Variants in BRMS1L observed in about 807,000 individuals in gnomAD.
BRMS1L encodes breast cancer metastasis-suppressor 1-like protein.
In BRMS1L, 23 loss-of-function variants were observed where a neutral mutation model predicts 50.3. The ratio of observed to expected loss-of-function variants is 0.46; its 90% CI spans 0.33 to 0.65. The LOEUF (loss-of-function observed/expected upper bound fraction) is 0.65. BRMS1L is among the 30% of genes least tolerant of loss of function. BRMS1L has a pLI of 0.02. For missense variants in BRMS1L, 286 were observed against 386.1 expected, an observed-to-expected ratio of 0.74 and a Z score of 2.17; for synonymous variants, 114 against 126.9, an observed-to-expected ratio of 0.90 and a Z score of 0.69.
At chr14:35,865,595 G>A (rs1478639781) in intron 7 of BRMS1L, 127 bp from the exon 8 acceptor site, 2 of 722,956 alleles carry the variant, frequency 2.8e-6, no homozygotes, top group Non-Finnish European at 2.2e-6. Flanking sequence ...AGCAGCTAAT[G>A]GTTATACTTT....
intron 3 of BRMS1L, among the ~76,000 whole-genome samples, chr14:35,834,488 G>C (rs1042594517): frequency 2.0e-5 from 3 of 152,126 alleles, no homozygotes; most frequent in Non-Finnish European, 4.4e-5. Flanking sequence ...TGACACCAGA[G>C]TTTATTATCT....
At chr14:35,857,746 T>C (rs2078299681) in intron 4 of BRMS1L, among the ~76,000 whole-genome samples, 1 of 152,120 alleles carries the variant, frequency 6.6e-6, no homozygotes, top group Admixed American at 6.5e-5. Context: ...ATTATAAATA[T>C]TGTTTACTGA....
intron 4 of BRMS1L, among the ~76,000 whole-genome samples, chr14:35,851,818 A>G (rs1436523552): frequency 6.6e-6 from 1 of 152,182 alleles, no homozygotes; most frequent in African/African-American, 2.4e-5. Flanking sequence ...TCTGAAGAAA[A>G]CGAAAGCAGT....
chr14:35,831,613 C>A (rs2077919979), intron 2 of BRMS1L, 113 bp downstream of exon 2: 2 of 744,376 alleles, frequency 2.7e-6, no homozygotes, highest in Non-Finnish European at 4.5e-6. Context: ...ATGCGACAGA[C>A]CAATTTGAAA....
At chr14:35,827,667 GATAA>G (rs1228704543) in intron 1 of BRMS1L, among the ~76,000 whole-genome samples, 1 of 152,178 alleles carries the variant, frequency 6.6e-6, no homozygotes, top group Non-Finnish European at 1.5e-5. Flanking sequence ...CAATATGAGG[GATAA>G]ATAGTTATTA....
chr14:35,857,360 G>A (rs930599522), intron 4 of BRMS1L, among the ~76,000 whole-genome samples: 2 of 151,164 alleles, frequency 1.3e-5, no homozygotes, highest in South Asian at 4.2e-4. Flanking sequence ...TGAAGGCATA[G>A]CCTTATAATT....
rs185345852 is a variant in BRMS1L at position 35,829,810 on chromosome 14, A to G, written c.143-1600A>G. 3,123 of 1,252,562 alleles carry G rather than the reference A, an allele frequency of 2.5e-3. 7 individuals carry two copies. The highest frequency in any genetic ancestry group is 3.0e-3 in the Non-Finnish European group (2,895 of 967,598). The allele number at this position is 1,252,562 out of a possible 1,614,324, so 77.6% of individuals were successfully genotyped here. ...TTTCTCATAGTTTGACTTTTATTTG[A>G]TGAAGATCAAGATGCAGATCATTTT... On this transcript the variant is annotated intron_variant, in intron 1 of 9. Coordinates refer to ENST00000216807, the MANE Select transcript of BRMS1L (RefSeq NM_032352.4).
In BRMS1L at chr14:35,867,933, A is replaced by G; in HGVS notation, c.755A>G (p.His252Arg). The stretch of plus-strand genomic sequence containing the variant: ...CCTGTGAAACTGGAAAAACATCTGC[A>G]CAGTGCTAGATCTGAAGAGGGAAGA... ...EPPVKLEKHL[H>R]SARSEEGRLY... The change falls in exon 9 of 10, where the codon CAC (histidine) becomes CGC (arginine). Residue 252 changes from histidine to arginine, a missense_variant. His to Arg is a conservative substitution (Grantham distance 29). Coordinates refer to ENST00000216807, the MANE Select transcript of BRMS1L (RefSeq NM_032352.4). The G allele has an allele frequency of 5.0e-6, 8 of 1,609,316 alleles. No homozygotes were observed. The highest frequency in any genetic ancestry group is 5.1e-6 in the Non-Finnish European group (6 of 1,178,606).
intron 1 of BRMS1L, 61 bp downstream of exon 1, chr14:35,826,719 C>A: frequency 1.3e-6 from 2 of 1,588,018 alleles, no homozygotes; most frequent in South Asian, 1.1e-5. Flanking sequence ...GGCCGCTCTC[C>A]GCACGCCAGG....
At chr14:35,845,484 A>C (rs2078122172) in intron 4 of BRMS1L, among the ~76,000 whole-genome samples, 1 of 152,054 alleles carries the variant, frequency 6.6e-6, no homozygotes, top group African/African-American at 2.4e-5. Flanking sequence ...TATTCTCATG[A>C]TCTATTGCTG....
At chr14:35,850,590 C>T (rs975973580) in intron 4 of BRMS1L, among the ~76,000 whole-genome samples, 2 of 152,124 alleles carry the variant, frequency 1.3e-5, no homozygotes, top group Admixed American at 6.5e-5. Flanking sequence ...CTTTTGTTGA[C>T]GTGCTTTTTG....
rs370289150 is a variant in BRMS1L, at chr14:35,867,012, A to G, written c.728-894A>G. Among the ~76,000 whole-genome samples the G allele has an allele frequency of 7.2e-5, 11 of 152,280 alleles. No individual in the cohort carries two copies. The South Asian group carries it at 1.5e-3, about 20-fold the overall frequency. On this transcript the variant is annotated intron_variant, in intron 8 of 9. Coordinates refer to ENST00000216807, the MANE Select transcript of BRMS1L (RefSeq NM_032352.4). ...CTGGATTGTAAGCTCCACAAAGGCT[A>G]GAACCATATCTCTTTTGGTCACAGT...
intron 4 of BRMS1L, among the ~76,000 whole-genome samples, chr14:35,843,439 C>T (rs1381871563): frequency 1.3e-5 from 2 of 152,204 alleles, no homozygotes; most frequent in Non-Finnish European, 2.9e-5. Flanking sequence ...AGTCAGGCCC[C>T]TCTGCTGCAG....
chr14:35,851,212 T>G (rs2078206705), intron 4 of BRMS1L, among the ~76,000 whole-genome samples: 1 of 152,198 alleles, frequency 6.6e-6, no homozygotes, highest in Admixed American at 6.5e-5. Flanking sequence ...AAGTTATTAT[T>G]TGATCCTTTG....
At chr14:35,832,378 G>C (rs1302457799) in intron 2 of BRMS1L, among the ~76,000 whole-genome samples, 1 of 151,268 alleles carries the variant, frequency 6.6e-6, no homozygotes, top group Non-Finnish European at 1.5e-5. Flanking sequence ...AATTAGCCGG[G>C]CGCCTGTAGT....
chr14:35,841,879 G>T (rs1286149396), intron 4 of BRMS1L, among the ~76,000 whole-genome samples: 2 of 152,114 alleles, frequency 1.3e-5, no homozygotes, highest in Non-Finnish European at 2.9e-5. Flanking sequence ...ATATATTTAG[G>T]ATAGTTAGTT....
chr14:35,860,199 G>T lies in BRMS1L; in HGVS notation c.442-2391G>T, dbSNP rs116184579. On this transcript the variant is annotated intron_variant, in intron 4 of 9. Transcript: ENST00000216807. ...GGCTGTAGTGTAGTGGCATGATCTC[G>T]GCTTACTGCAACCTCCACCTTCTGG... Among the ~76,000 whole-genome samples, 757 of 151,724 alleles carry T rather than the reference G, an allele frequency of 5.0e-3. 9 individuals are homozygous for T. The highest frequency in any genetic ancestry group is 0.017 in the African/African-American group (686 of 41,394).
chr14:35,842,904 C>T (rs1489149454), intron 4 of BRMS1L, among the ~76,000 whole-genome samples: 2 of 152,118 alleles, frequency 1.3e-5, no homozygotes, highest in Non-Finnish European at 2.9e-5. Context: ...CTAATCTTGT[C>T]TTCATATTTT....
chr14:35,839,072 T>G (rs2078029249), intron 4 of BRMS1L, among the ~76,000 whole-genome samples: 3 of 152,208 alleles, frequency 2.0e-5, no homozygotes, highest in African/African-American at 2.4e-5. Flanking sequence ...GGGGTCCAGT[T>G]TCAGTTTTCT....
Sources: gnomAD v4.1 joint callset for allele counts (sites outside exome capture counted in the v4.1 genomes callset) on GRCh38, gnomAD v4.1.1 for gene constraint, MANE v1.5 for transcripts, NCBI Gene and HGNC (gene_info 2026-07-23, HGNC 2026-07-21) for gene names.